The following TAFA1 variants were observed in gnomAD, a reference collection of about 807,000 sequenced individuals.
The protein encoded by TAFA1 is TAFA chemokine like family member 1, also known as chemokine-like protein TAFA-1.
A neutral mutation model predicts 18.5 loss-of-function variants in TAFA1; 4 were observed. That is an observed-to-expected ratio of 0.22 (90% CI 0.11 to 0.49). The LOEUF (loss-of-function observed/expected upper bound fraction) is 0.49, where lower values mean the gene tolerates loss of function less well. Among genes scored for constraint, TAFA1 ranks in the 20% least tolerant of loss-of-function variants. The pLI is 0.98. For missense variants in TAFA1, 147 were observed against 169.0 expected, an observed-to-expected ratio of 0.87 and a Z score of 0.72; for synonymous variants, 56 against 55.2, an observed-to-expected ratio of 1.01 and a Z score of -0.06.
At chr3:68,334,146 A>G (rs988961849) in intron 2 of TAFA1, among the ~76,000 whole-genome samples, 1 of 152,210 alleles carries the variant, frequency 6.6e-6, no homozygotes, top group African/African-American at 2.4e-5. Flanking sequence ...TGGTAAGCTT[A>G]TGACACACAT....
At chr3:68,220,597 G>A (rs1265756872) in intron 2 of TAFA1, among the ~76,000 whole-genome samples, 1 of 151,946 alleles carries the variant, frequency 6.6e-6, no homozygotes, top group Non-Finnish European at 1.5e-5. Context: ...TTCGGAAGGA[G>A]TTTACTATCT....
chr3:68,386,766 G>A (rs1215111088), intron 2 of TAFA1, among the ~76,000 whole-genome samples: 1 of 152,124 alleles, frequency 6.6e-6, no homozygotes, highest in Non-Finnish European at 1.5e-5. Flanking sequence ...GAAGCTTATA[G>A]AAACGTGTGT....
At chr3:68,325,989 C>T (rs962755807) in intron 2 of TAFA1, among the ~76,000 whole-genome samples, 1 of 152,112 alleles carries the variant, frequency 6.6e-6, no homozygotes, top group Non-Finnish European at 1.5e-5. Flanking sequence ...CATTACAGGG[C>T]AGCAGGTGTA....
chr3:68,335,283 T>TA (rs1339211103), intron 2 of TAFA1, among the ~76,000 whole-genome samples: 1 of 152,162 alleles, frequency 6.6e-6, no homozygotes, highest in African/African-American at 2.4e-5. Context: ...GTCAGAGGCA[T>TA]AAAAAATGAT....
chr3:68,337,854 G>T (rs1204201810), intron 2 of TAFA1, among the ~76,000 whole-genome samples: 2 of 152,092 alleles, frequency 1.3e-5, no homozygotes, highest in African/African-American at 4.8e-5. Context: ...TTTTCCATTT[G>T]CCGATCTTCT....
chr3:68,157,450 G>C (rs183138216), intron 2 of TAFA1, among the ~76,000 whole-genome samples: 1 of 152,176 alleles, frequency 6.6e-6, no homozygotes, highest in Non-Finnish European at 1.5e-5. Context: ...AGGAGAAAAA[G>C]CCTTGCCTTT....
chr3:68,156,803 TTTAA>T lies in TAFA1; in HGVS notation c.118+150065_118+150068del, dbSNP rs535273975. Among the ~76,000 whole-genome samples, 306 of 152,254 alleles carry T rather than the reference TTTAA, an allele frequency of 2.0e-3. 1 individual carries two copies. Among genetic ancestry groups the T allele is most frequent in the African/African-American group, 5.9e-3 (247 of 41,574 alleles). On this transcript the variant is annotated intron_variant, in intron 2 of 4. Coordinates refer to ENST00000478136, the MANE Select transcript of TAFA1 (RefSeq NM_213609.4). ...AAAAAATAATAAGTCTTGTACTAGC[TTTAA>T]TTAATGCCATCCTTATCTTTAATGT...
At chr3:68,305,683 G>A (rs2068405531) in intron 2 of TAFA1, among the ~76,000 whole-genome samples, 1 of 151,770 alleles carries the variant, frequency 6.6e-6, no homozygotes, top group Non-Finnish European at 1.5e-5. Flanking sequence ...TGGAAAGAAA[G>A]TGCCTTATAC....
chr3:68,225,212 C>T (rs1468660878), intron 2 of TAFA1, among the ~76,000 whole-genome samples: 1 of 151,926 alleles, frequency 6.6e-6, no homozygotes, highest in Non-Finnish European at 1.5e-5. Context: ...CTGGCTGGCT[C>T]ATGGCACTTT....
intron 2 of TAFA1, among the ~76,000 whole-genome samples, chr3:68,102,135 C>T (rs1161913432): frequency 1.3e-5 from 2 of 152,074 alleles, no homozygotes; most frequent in Non-Finnish European, 2.9e-5. Flanking sequence ...GTTATTATGC[C>T]TTTAGATTCA....
At chr3:68,038,183 CT>C (rs1705092149) in intron 2 of TAFA1, among the ~76,000 whole-genome samples, 1 of 152,150 alleles carries the variant, frequency 6.6e-6, no homozygotes, top group African/African-American at 2.4e-5. Flanking sequence ...ATTTTAATGA[CT>C]CTCATTGTCA....
chr3:68,061,968 T>A (rs1360688088), intron 2 of TAFA1, among the ~76,000 whole-genome samples: 1 of 151,418 alleles, frequency 6.6e-6, no homozygotes, highest in Non-Finnish European at 1.5e-5. Context: ...TCAAACGATA[T>A]GGTTTTTGTT....
intron 2 of TAFA1, among the ~76,000 whole-genome samples, chr3:68,252,394 G>C (rs1326962599): frequency 6.6e-6 from 1 of 151,998 alleles, no homozygotes; most frequent in Non-Finnish European, 1.5e-5. Context: ...TTGACTATAT[G>C]CTATTCTTAA....
At chr3:68,449,672 G>A (rs2071536279) in intron 3 of TAFA1, among the ~76,000 whole-genome samples, 1 of 152,144 alleles carries the variant, frequency 6.6e-6, no homozygotes, top group South Asian at 2.1e-4. Context: ...CCCATTTGGA[G>A]CAGACATGGG....
intron 3 of TAFA1, among the ~76,000 whole-genome samples, chr3:68,531,221 A>G (rs2073184437): frequency 6.6e-6 from 1 of 152,182 alleles, no homozygotes; most frequent in Non-Finnish European, 1.5e-5. Flanking sequence ...CAGCGTATCC[A>G]TGTGGGTCTG....
rs569151228 is a variant in TAFA1 at position 68,008,119 on chromosome 3, G to A, written c.118+1375G>A. Among the ~76,000 whole-genome samples the A allele has an allele frequency of 5.9e-5, 9 of 152,372 alleles. No individual in the cohort carries two copies. In the South Asian group the frequency reaches 1.9e-3, roughly 32 times the overall value. On this transcript the variant is annotated intron_variant, in intron 2 of 4. Coordinates refer to ENST00000478136, the MANE Select transcript of TAFA1 (RefSeq NM_213609.4). ...TTTCCCCCAGCCCTGGTCTGACAGGGAAGGCGAGGGGGCGCTGGTGCCCCT... is the reference window on the plus strand; with the variant it reads ...TTTCCCCCAGCCCTGGTCTGACAGGAAAGGCGAGGGGGCGCTGGTGCCCCT...
intron 3 of TAFA1, among the ~76,000 whole-genome samples, chr3:68,498,414 G>A (rs570997357): frequency 3.3e-5 from 5 of 152,214 alleles, no homozygotes; most frequent in East Asian, 3.9e-4. Flanking sequence ...GAGATTAAAC[G>A]TAAGCTGGGG....
chr3:68,543,234 T>A (rs907156760), intron 4 of TAFA1, among the ~76,000 whole-genome samples: 2 of 152,048 alleles, frequency 1.3e-5, no homozygotes, highest in African/African-American at 4.8e-5. Flanking sequence ...TATTTGACAA[T>A]GATGGAATAA....
intron 3 of TAFA1, among the ~76,000 whole-genome samples, chr3:68,431,291 A>C (rs1165712924): frequency 1.3e-5 from 2 of 152,002 alleles, no homozygotes; most frequent in Non-Finnish European, 2.9e-5. Context: ...CATAAGTTTG[A>C]GAAACAATGT....
Sources: allele counts gnomAD v4.1 joint callset (sites outside exome capture counted in the v4.1 genomes callset), GRCh38; gene constraint gnomAD v4.1.1; transcripts MANE v1.5; gene names NCBI Gene and HGNC (gene_info 2026-07-23, HGNC 2026-07-21).